The following TTLL7 variants were observed in gnomAD, a reference collection of about 807,000 sequenced individuals.
The protein encoded by TTLL7 is tubulin tyrosine ligase like 7, also known as tubulin polyglutamylase TTLL7.
Under a neutral mutation model 120.2 loss-of-function variants are expected in TTLL7, and 53 were observed. The observed-to-expected ratio is 0.44, with a 90% CI of 0.35 to 0.55. The LOEUF (loss-of-function observed/expected upper bound fraction) is 0.55. Ranked by LOEUF, TTLL7 falls within the 20% of genes least tolerant of loss-of-function variation. TTLL7 has a pLI of 0.00. For missense variants in TTLL7, 803 were observed against 1,054.7 expected (o/e 0.76, Z 3.31); for synonymous variants, 353 against 351.7 (o/e 1.00, Z -0.04).
chr1:83,995,597 T>C (rs1653406192), intron 1 of TTLL7, among the ~76,000 whole-genome samples: 1 of 152,108 alleles, frequency 6.6e-6, no homozygotes, highest in African/African-American at 2.4e-5. Flanking sequence ...TGTGAGCCAA[T>C]TACACCTCTT....
At chr1:83,904,589 T>TA (rs1377244422) in intron 17 of TTLL7, among the ~76,000 whole-genome samples, 1 of 152,006 alleles carries the variant, frequency 6.6e-6, no homozygotes, top group East Asian at 1.9e-4. Context: ...GAGCTGAGAT[T>TA]ATACCACTGC....
intron 18 of TTLL7, among the ~76,000 whole-genome samples, chr1:83,892,838 A>ACG (rs879450024): frequency 0.015 from 1,893 of 130,314 alleles, 42 homozygotes; most frequent in Middle Eastern, 0.026. Flanking sequence ...ATATATATGA[A>ACG]CACATATATG....
In TTLL7 at chr1:83,998,518, T is replaced by C. The variant is rs939062751; in HGVS notation, c.-177+413A>G. Among the ~76,000 whole-genome samples the C allele has an allele frequency of 2.0e-5, 3 of 152,188 alleles. 1 individual carries two copies. The highest frequency in any genetic ancestry group is 4.4e-5 in the Non-Finnish European group (3 of 68,036). ...CACTCGCATGTGCGAAAAGGGCATT[T>C]TGATACCCTTTCAAGAATGCCCCGC... On this transcript the variant is annotated intron_variant, in intron 1 of 20. Coordinates refer to ENST00000260505, the MANE Select transcript of TTLL7 (RefSeq NM_024686.6).
At chr1:83,889,839 A>G (rs1571068954) in intron 19 of TTLL7, 1 of 443,032 alleles carries the variant, frequency 2.3e-6, no homozygotes, top group East Asian at 7.0e-5. Context: ...GAAGATGCAG[A>G]TGCCCCTGTG....
At chr1:83,969,845 T>C (rs1650816226) in intron 1 of TTLL7, among the ~76,000 whole-genome samples, 1 of 152,016 alleles carries the variant, frequency 6.6e-6, no homozygotes, top group African/African-American at 2.4e-5. Context: ...TGGGAAGATG[T>C]AATTATTTGA....
chr1:83,915,515 G>A (rs1306167506), intron 14 of TTLL7, among the ~76,000 whole-genome samples: 1 of 152,118 alleles, frequency 6.6e-6, no homozygotes, highest in East Asian at 1.9e-4. Context: ...AGATTTAAAT[G>A]TTAGACCTAA....
chr1:83,944,066 T>C (rs902138235), intron 6 of TTLL7, among the ~76,000 whole-genome samples: 33 of 151,436 alleles, frequency 2.2e-4, no homozygotes, highest in African/African-American at 7.5e-4. Context: ...ATAAAGAGAA[T>C]CAGAAAACTT....
At chr1:83,960,770 G>A (rs1324168436) in intron 1 of TTLL7, among the ~76,000 whole-genome samples, 2 of 152,072 alleles carry the variant, frequency 1.3e-5, no homozygotes, top group African/African-American at 4.8e-5. Context: ...AAGGACAATA[G>A]GTTTCAAAAT....
chr1:83,948,094 T>A (rs1304415052), intron 5 of TTLL7, among the ~76,000 whole-genome samples: 1 of 152,066 alleles, frequency 6.6e-6, no homozygotes, highest in African/African-American at 2.4e-5. Flanking sequence ...CATATATACA[T>A]GTGTCTTTGA....
chr1:83,974,481 G>A (rs375337818), intron 1 of TTLL7, among the ~76,000 whole-genome samples: 2 of 151,682 alleles, frequency 1.3e-5, no homozygotes, highest in Admixed American at 6.6e-5. Flanking sequence ...AATCCAAAAC[G>A]ATAACAATTA....
chr1:83,937,588 G>A (rs1647536368), intron 8 of TTLL7, among the ~76,000 whole-genome samples: 1 of 152,166 alleles, frequency 6.6e-6, no homozygotes, highest in Non-Finnish European at 1.5e-5. Context: ...TAGGTGTGTA[G>A]TGGGCTATTC....
intron 20 of TTLL7, among the ~76,000 whole-genome samples, chr1:83,872,264 A>C (rs1653487391): frequency 1.3e-5 from 2 of 152,244 alleles, no homozygotes; most frequent in African/African-American, 4.8e-5. Context: ...ATAACATAAA[A>C]CAAACCAAAT....
At chr1:83,955,965 C>T (rs1649472348) in intron 1 of TTLL7, among the ~76,000 whole-genome samples, 1 of 152,148 alleles carries the variant, frequency 6.6e-6, no homozygotes, top group South Asian at 2.1e-4. Context: ...CATGCCACTG[C>T]ACTACAGCCT....
Position 83,951,985 on chromosome 1 carries a change from A to C in TTLL7, c.26-9T>G. ...AGAGGGTCCCTGAATAACTTTAAAA[A>C]AATGTAAAATAATCAGATAACACTG... On this transcript the variant is annotated splice_polypyrimidine_tract_variant and intron_variant, in intron 2 of 20. Transcript: ENST00000260505. 6.3e-7 allele frequency: 1 copy of C among 1,599,412 alleles called. No homozygotes were observed. The highest frequency in any genetic ancestry group is 1.1e-5 in the South Asian group (1 of 87,344).
chr1:83,913,378 T>A (rs1186490369), intron 14 of TTLL7, among the ~76,000 whole-genome samples: 1 of 152,206 alleles, frequency 6.6e-6, no homozygotes, highest in Non-Finnish European at 1.5e-5. Flanking sequence ...ACCAACCTAA[T>A]ACTTCATGTG....
At chr1:83,956,726 A>C (rs975528778) in intron 1 of TTLL7, among the ~76,000 whole-genome samples, 1 of 152,176 alleles carries the variant, frequency 6.6e-6, no homozygotes, top group Non-Finnish European at 1.5e-5. Context: ...CACTGTGCCC[A>C]GCCCTAACCC....
chr1:83,960,167 T>G (rs1649890343), intron 1 of TTLL7, among the ~76,000 whole-genome samples: 1 of 152,202 alleles, frequency 6.6e-6, no homozygotes, highest in South Asian at 2.1e-4. Context: ...ATTATGTGTC[T>G]TTTTGTAAGT....
intron 1 of TTLL7, among the ~76,000 whole-genome samples, chr1:83,985,386 T>C (rs649226): frequency 0.8 from 121,783 of 152,166 alleles, 49,169 homozygotes; most frequent in East Asian, 0.9. Context: ...CACCTTCTTC[T>C]GGCTGCTTTG....
At chr1:83,910,534 AAGAG>A (rs1427902787) in intron 15 of TTLL7, among the ~76,000 whole-genome samples, 6 of 152,036 alleles carry the variant, frequency 3.9e-5, no homozygotes, top group African/African-American at 7.2e-5. Context: ...GAGCCAAAGG[AAGAG>A]AGAGAGAATG....
Sources: allele counts gnomAD v4.1 joint callset (sites outside exome capture counted in the v4.1 genomes callset), GRCh38; gene constraint gnomAD v4.1.1; transcripts MANE v1.5; gene names NCBI Gene and HGNC (gene_info 2026-07-23, HGNC 2026-07-21).